DLGAP1: variants seen among roughly 807,000 people sequenced by gnomAD.
DLGAP1 encodes the protein disks large-associated protein 1.
A neutral mutation model predicts 90.8 loss-of-function variants in DLGAP1; 11 were observed. That is an observed-to-expected ratio of 0.12 (90% confidence interval 0.08 to 0.20). The LOEUF is 0.20. DLGAP1 is among the 10% of genes least tolerant of loss of function. The pLI is 1.00. For synonymous variants in DLGAP1, 558 were observed against 540.7 expected, an observed-to-expected ratio of 1.03 and a Z score of -0.44; for missense variants, 1,050 against 1,333.8, an observed-to-expected ratio of 0.79 and a Z score of 3.31.
At chr18:3,893,779 T>C (rs2071544043) in intron 3 of DLGAP1, among the ~76,000 whole-genome samples, 1 of 152,036 alleles carries the variant, frequency 6.6e-6, no homozygotes. Flanking sequence ...TTTTAGTACT[T>C]TGAGAACTCT....
chr18:3,752,390 C>T (rs934203933), intron 5 of DLGAP1, among the ~76,000 whole-genome samples: 2 of 152,080 alleles, frequency 1.3e-5, no homozygotes, highest in African/African-American at 4.8e-5. Flanking sequence ...CCCACATCTA[C>T]CCCTTGTCTC....
At chr18:3,600,963 TATATAG>T (rs2056963012) in intron 7 of DLGAP1, among the ~76,000 whole-genome samples, 3 of 97,450 alleles carry the variant, frequency 3.1e-5, no homozygotes, top group African/African-American at 7.8e-5. Context: ...TATATATAGA[TATATAG>T]ATAGATATAT....
intron 1 of DLGAP1, among the ~76,000 whole-genome samples, chr18:4,171,079 CT>C (rs1319790371): frequency 4.5e-5 from 6 of 132,310 alleles, no homozygotes; most frequent in Non-Finnish European, 7.8e-5. Context: ...TAATCATTTT[CT>C]ATATAGAATG....
intron 1 of DLGAP1, among the ~76,000 whole-genome samples, chr18:4,269,781 CACAG>C (rs2079232829): frequency 6.6e-6 from 1 of 151,950 alleles, no homozygotes; most frequent in Admixed American, 6.6e-5. Context: ...TATTAAACAT[CACAG>C]ACATTCTACC....
intron 1 of DLGAP1, among the ~76,000 whole-genome samples, chr18:4,232,523 A>G (rs185526793): frequency 3.0e-4 from 45 of 152,310 alleles, no homozygotes; most frequent in Non-Finnish European, 5.9e-4. Context: ...TAAAATTATA[A>G]AAGTGCAAGA....
intron 2 of DLGAP1, among the ~76,000 whole-genome samples, chr18:4,045,957 A>G (rs2075048441): frequency 1.3e-5 from 2 of 152,062 alleles, no homozygotes; most frequent in Admixed American, 1.3e-4. Flanking sequence ...ACTTCTTAAA[A>G]GAGATAAAAA....
At chr18:3,608,449 A>G (rs2057431994) in intron 7 of DLGAP1, 1 of 152,172 alleles carries the variant, frequency 6.6e-6, no homozygotes, top group South Asian at 2.1e-4. Flanking sequence ...GAGAAAATAA[A>G]TTATTTTGCC....
intron 1 of DLGAP1, among the ~76,000 whole-genome samples, chr18:4,243,892 T>C (rs2078597430): frequency 6.6e-6 from 1 of 152,194 alleles, no homozygotes. Context: ...GGTAGCTATA[T>C]TTTGGAACAT....
At position 4,198,046 on chromosome 18, in the gene DLGAP1, C is replaced by A. The variant is rs1568446273; in HGVS notation, c.-266-46759G>T. On this transcript the variant is annotated intron_variant, in intron 1 of 12. Transcript: ENST00000315677. ...ACCATCCTGGCTAACCCAGTGAAACCCCGTCTCTACTAAAAAAATACAAAA... is the reference window on the plus strand; with the variant it reads ...ACCATCCTGGCTAACCCAGTGAAACACCGTCTCTACTAAAAAAATACAAAA... 2.0e-5 allele frequency among the ~76,000 whole-genome samples: 3 copies of A among 151,800 alleles called. No individual in the cohort carries two copies. In the South Asian group the frequency reaches 6.2e-4, roughly 32 times the overall value.
chr18:3,844,886 T>G (rs2068922421), intron 4 of DLGAP1, among the ~76,000 whole-genome samples: 2 of 152,160 alleles, frequency 1.3e-5, no homozygotes, highest in Non-Finnish European at 2.9e-5. Flanking sequence ...TATTCAACAA[T>G]CAGTGCTTAA....
chr18:3,567,305 T>G (rs111883616), intron 9 of DLGAP1, among the ~76,000 whole-genome samples, 185 bp downstream of exon 9: 1 of 152,296 alleles, frequency 6.6e-6, no homozygotes, highest in African/African-American at 2.4e-5. Context: ...AAAACTCAAA[T>G]GGAGTGGTGT....
At chr18:4,365,857 G>C (rs2081751671) in intron 1 of DLGAP1, among the ~76,000 whole-genome samples, 1 of 152,056 alleles carries the variant, frequency 6.6e-6, no homozygotes, top group South Asian at 2.1e-4. Flanking sequence ...ATAACTAAAT[G>C]TTATTTGTCC....
chr18:3,777,166 T>C lies in DLGAP1; in HGVS notation c.1173-34654A>G, dbSNP rs75243324. 2.6e-4 allele frequency among the ~76,000 whole-genome samples: 39 copies of C among 152,316 alleles called. 1 individual carries two copies. In the East Asian group the frequency reaches 6.6e-3, roughly 26 times the overall value. On this transcript the variant is annotated intron_variant, in intron 5 of 12. Transcript: ENST00000315677. Reference sequence around the variant, plus strand: ...AAGCAAATTTTCAAGGCCCCATACATTAAAAAAACTTACATTTAAACAATA... The same window carrying C: ...AAGCAAATTTTCAAGGCCCCATACACTAAAAAAACTTACATTTAAACAATA...
intron 2 of DLGAP1, among the ~76,000 whole-genome samples, chr18:4,030,721 G>C (rs1278350293): frequency 6.6e-6 from 1 of 152,166 alleles, no homozygotes; most frequent in Non-Finnish European, 1.5e-5. Flanking sequence ...AGGAGTTCGA[G>C]ACCAGCCTGG....
At chr18:3,589,404 C>A (rs1385485981) in intron 7 of DLGAP1, among the ~76,000 whole-genome samples, 1 of 152,222 alleles carries the variant, frequency 6.6e-6, no homozygotes, top group African/African-American at 2.4e-5. Context: ...TATTCATAAA[C>A]CCTTACCAGC....
At chr18:4,178,925 G>A (rs2077162605) in intron 1 of DLGAP1, among the ~76,000 whole-genome samples, 1 of 152,046 alleles carries the variant, frequency 6.6e-6, no homozygotes, top group African/African-American at 2.4e-5. Context: ...AGATTATCTT[G>A]AAATAGAACA....
rs139748974 is a variant in DLGAP1, at chr18:4,203,503, C to A, written c.-266-52216G>T. Among the ~76,000 whole-genome samples the A allele has an allele frequency of 3.6e-4, 54 of 152,106 alleles. No homozygotes were observed. The East Asian group carries it at 7.6e-3, about 21-fold the overall frequency. Reference sequence around the variant, plus strand: ...CTTTTAAAAACACAATTTTGTTTGCCATGAGCTTTTATTTGGGCTTCTACT... The same window carrying A: ...CTTTTAAAAACACAATTTTGTTTGCAATGAGCTTTTATTTGGGCTTCTACT... On this transcript the variant is annotated intron_variant, in intron 1 of 12. Transcript: ENST00000315677.
In DLGAP1 at chr18:3,655,816, C is replaced by A. The variant is rs375256250; in HGVS notation, c.1591+73319G>T. The A allele has an allele frequency of 8.1e-5, 33 of 407,200 alleles. 1 individual carries two copies. The highest frequency in any genetic ancestry group is 1.0e-4 in the Non-Finnish European group (23 of 227,398). The allele number at this position is 407,200 out of a possible 1,614,324, so 25.2% of individuals were successfully genotyped here. On this transcript the variant is annotated intron_variant, in intron 7 of 12. Coordinates refer to ENST00000315677, the MANE Select transcript of DLGAP1 (RefSeq NM_004746.4). ...CCACAGAAGAGCCCAGGCTCGCTGA[C>A]GAGCACCGGCTCCGAGGCAGTCACA...
At chr18:4,238,010 C>T (rs528556954) in intron 1 of DLGAP1, among the ~76,000 whole-genome samples, 3 of 152,192 alleles carry the variant, frequency 2.0e-5, no homozygotes, top group Admixed American at 2.0e-4. Flanking sequence ...GTTGAGCATC[C>T]CAAATTCAAA....
Sources: gnomAD v4.1 joint callset for allele counts (sites outside exome capture counted in the v4.1 genomes callset) on GRCh38, gnomAD v4.1.1 for gene constraint, MANE v1.5 for transcripts, NCBI Gene and HGNC (gene_info 2026-07-23, HGNC 2026-07-21) for gene names.